The following PSD3 variants were observed in gnomAD, a reference collection of about 807,000 sequenced individuals.
The protein encoded by PSD3 is pleckstrin and Sec7 domain containing 3.
Under a neutral mutation model 105.5 loss-of-function variants are expected in PSD3, and 49 were observed. The ratio of observed to expected loss-of-function variants is 0.46; its 90% CI spans 0.37 to 0.59. PSD3 has a LOEUF of 0.59. Among genes scored for constraint, PSD3 ranks in the 20% least tolerant of loss-of-function variants. The probability of loss-of-function intolerance (pLI) is 0.00; values close to 1 mark genes in which losing one functional copy is unlikely to be tolerated. For missense variants in PSD3, 1,561 were observed against 1,263.8 expected (o/e 1.24, Z -3.57); for synonymous variants, 557 against 457.8 (o/e 1.22, Z -2.77).
chr8:18,859,988 G>A (rs776677626), intron 4 of PSD3, among the ~76,000 whole-genome samples: 1 of 152,136 alleles, frequency 6.6e-6, no homozygotes, highest in Admixed American at 6.5e-5. Flanking sequence ...AGCCTTCAGC[G>A]TATTCTGGCT....
intron 1 of PSD3, among the ~76,000 whole-genome samples, chr8:18,974,948 G>A (rs1034448446): frequency 6.6e-6 from 1 of 152,204 alleles, no homozygotes. Context: ...CAGAAGGGAA[G>A]CAGTTACCAT....
rs114994689 is a variant in PSD3 at position 18,923,252 on chromosome 8, A to C, written c.130+12782T>G. On this transcript the variant is annotated intron_variant, in intron 2 of 15. Coordinates refer to ENST00000327040, the MANE Select transcript of PSD3 (RefSeq NM_015310.4). The stretch of plus-strand genomic sequence containing the variant: ...TAAAAATTTGTGTTGTGCCACATTC[A>C]AAGCTGTCCTGGGCTGCATGTGGCC... 2.9e-3 allele frequency among the ~76,000 whole-genome samples: 435 copies of C among 152,304 alleles called. 2 individuals carry two copies. Among genetic ancestry groups the C allele is most frequent in the African/African-American group, 9.8e-3 (408 of 41,558 alleles).
Position 18,745,778 on chromosome 8 carries a change from T to C in PSD3, c.2172+19671A>G, listed in dbSNP as rs530297543. On this transcript the variant is annotated intron_variant, in intron 9 of 15. Transcript: ENST00000327040. The stretch of plus-strand genomic sequence containing the variant: ...TACCCATCATGCAAACTCACCTACG[T>C]TTCTGCATCAATCCATACATTAAAA... 9.2e-5 allele frequency among the ~76,000 whole-genome samples: 14 copies of C among 152,314 alleles called. 1 individual carries two copies. Among genetic ancestry groups the C allele is most frequent in the African/African-American group, 3.4e-4 (14 of 41,562 alleles).
At chr8:18,631,382 G>C (rs958196255) in intron 11 of PSD3, among the ~76,000 whole-genome samples, 14 of 151,936 alleles carry the variant, frequency 9.2e-5, no homozygotes, top group Admixed American at 2.0e-4. Flanking sequence ...ATACAAGTCA[G>C]AATCCTGTCC....
At chr8:18,849,947 G>C (rs891601406) in intron 4 of PSD3, among the ~76,000 whole-genome samples, 2 of 152,202 alleles carry the variant, frequency 1.3e-5, no homozygotes, top group African/African-American at 4.8e-5. Context: ...TGAGCCTTCT[G>C]GTTAATCAGC....
At chr8:18,605,875 T>A (rs1472394136) in intron 11 of PSD3, among the ~76,000 whole-genome samples, 1 of 152,146 alleles carries the variant, frequency 6.6e-6, no homozygotes, top group Non-Finnish European at 1.5e-5. Flanking sequence ...TGCTCCCCCT[T>A]TACCTTCCAC....
intron 4 of PSD3, among the ~76,000 whole-genome samples, chr8:18,828,846 C>T (rs565986141): frequency 1.3e-5 from 2 of 152,186 alleles, no homozygotes; most frequent in South Asian, 4.2e-4. Flanking sequence ...TACCTGTAAT[C>T]CCAGCACTTT....
chr8:18,831,182 G>A (rs958822561), intron 4 of PSD3, among the ~76,000 whole-genome samples: 8 of 150,676 alleles, frequency 5.3e-5, no homozygotes, highest in African/African-American at 2.0e-4. Context: ...GAAGCTAAAC[G>A]CCTGCATGAC....
rs11450922 is a variant in PSD3 at position 18,970,324 on chromosome 8, CAAAAAA to C, written c.22-34188_22-34183del. 4.0e-3 allele frequency among the ~76,000 whole-genome samples: 179 copies of C among 45,316 alleles called. 3 individuals carry two copies. Among genetic ancestry groups the C allele is most frequent in the African/African-American group, 0.016 (171 of 10,832 alleles). The allele number at this position is 45,316 out of a possible 152,430, so 29.7% of individuals were successfully genotyped here. On this transcript the variant is annotated intron_variant, in intron 1 of 15. Transcript: ENST00000327040. ...TGGGCGACAGAGCAAGACTCTGCCT[CAAAAAA>C]AAAAAAAAAAAAAAAAAACAAAGAA...
chr8:18,787,181 C>T (rs1809248246), intron 8 of PSD3, among the ~76,000 whole-genome samples: 1 of 152,148 alleles, frequency 6.6e-6, no homozygotes, highest in Non-Finnish European at 1.5e-5. Context: ...CATTTTCTTC[C>T]CAAATTAGTT....
chr8:18,830,951 G>C (rs1369478053), intron 4 of PSD3, among the ~76,000 whole-genome samples: 4 of 152,206 alleles, frequency 2.6e-5, no homozygotes, highest in Admixed American at 6.5e-5. Context: ...CATTCTAGGA[G>C]GCAACATTGT....
rs1445174219 is a variant in PSD3, at chr8:18,529,294, T to C, written c.*6449A>G. 1 of 152,248 alleles carries C rather than the reference T, an allele frequency of 6.6e-6. No individual in the cohort carries two copies. The highest frequency in any genetic ancestry group is 1.5e-5 in the Non-Finnish European group (1 of 68,032). The allele number at this position is 152,248 out of a possible 1,614,324, so 9.4% of individuals were successfully genotyped here. On this transcript the variant is annotated 3_prime_UTR_variant, in exon 16 of 16. Transcript: ENST00000327040. ...AGACACTAGAGCTCAGATTCCACCCTGGCCCTTGGAAAACATCTGTGATGC... is the reference window on the plus strand; with the variant it reads ...AGACACTAGAGCTCAGATTCCACCCCGGCCCTTGGAAAACATCTGTGATGC...
chr8:18,959,387 T>A (rs1823773113), intron 1 of PSD3, among the ~76,000 whole-genome samples: 1 of 152,122 alleles, frequency 6.6e-6, no homozygotes, highest in Non-Finnish European at 1.5e-5. Context: ...CACTACTGGA[T>A]TCATACTACC....
intron 9 of PSD3, among the ~76,000 whole-genome samples, chr8:18,742,421 G>A (rs1804646702): frequency 6.6e-6 from 1 of 152,056 alleles, no homozygotes; most frequent in Non-Finnish European, 1.5e-5. Flanking sequence ...GAATGACACA[G>A]GCATCAAACC....
At chr8:19,015,441 C>T (rs1200126295), upstream of PSD3, among the ~76,000 whole-genome samples, 1 of 152,134 alleles carries the variant, frequency 6.6e-6, no homozygotes, top group Non-Finnish European at 1.5e-5. Flanking sequence ...GCGTACATAC[C>T]CTACAGAGAC....
At chr8:18,550,919 G>C (rs1242927919) in intron 15 of PSD3, among the ~76,000 whole-genome samples, 1 of 152,182 alleles carries the variant, frequency 6.6e-6, no homozygotes, top group Non-Finnish European at 1.5e-5. Flanking sequence ...TTCCACGCTA[G>C]ACTGACTTAC....
chr8:18,664,776 G>A (rs141378567), intron 9 of PSD3, among the ~76,000 whole-genome samples: 2 of 152,260 alleles, frequency 1.3e-5, no homozygotes, highest in Non-Finnish European at 2.9e-5. Flanking sequence ...TCTTCTTAGG[G>A]GCAATGGGGC....
intron 10 of PSD3, among the ~76,000 whole-genome samples, chr8:18,648,771 C>G (rs77614691): frequency 6.6e-6 from 1 of 152,176 alleles, no homozygotes; most frequent in Non-Finnish European, 1.5e-5. Flanking sequence ...GGCCAGTCCC[C>G]GGGAAGTTTC....
At chr8:18,758,604 G>C (rs767216534) in intron 9 of PSD3, among the ~76,000 whole-genome samples, 1 of 152,130 alleles carries the variant, frequency 6.6e-6, no homozygotes, top group African/African-American at 2.4e-5. Flanking sequence ...AAATCTGAGA[G>C]CCTCACTTTA....
Sources: allele counts gnomAD v4.1 joint callset (sites outside exome capture counted in the v4.1 genomes callset), GRCh38; gene constraint gnomAD v4.1.1; transcripts MANE v1.5; gene names NCBI Gene and HGNC (gene_info 2026-07-23, HGNC 2026-07-21).